GTF3C1: variants seen among roughly 807,000 people sequenced by gnomAD.
The protein encoded by GTF3C1 is general transcription factor IIIC subunit 1.
A neutral mutation model predicts 226.7 loss-of-function variants in GTF3C1; 57 were observed. The ratio of observed to expected loss-of-function variants is 0.25; its 90% CI spans 0.20 to 0.31. The LOEUF is 0.31. GTF3C1 is among the 10% of genes least tolerant of loss of function. The pLI is 1.00. For missense variants in GTF3C1, 2,217 were observed against 2,776.1 expected (o/e 0.80, Z 4.53); for synonymous variants, 1,090 against 1,084.8 (o/e 1.00, Z -0.09).
In GTF3C1 at chr16:27,469,452, G is replaced by A. The variant is rs757977238; in HGVS notation, c.4913C>T (p.Ala1638Val). Residue 1638 changes from alanine (A) to valine (V), a missense_variant, in exon 32 of 37, where the codon GCG becomes GTG. By Grantham distance (64) the Ala-to-Val change is moderately conservative. This residue lies in a region of GTF3C1 where 455 missense variants were observed against 441.9 expected (regional missense o/e 1.03). Coordinates refer to ENST00000356183, the MANE Select transcript of GTF3C1 (RefSeq NM_001520.4). The surrounding 1 kb of genome is among the most constrained non-coding windows in gnomAD (Gnocchi z 4.5). ...CAGGTAGTTGGTGTGGGAGGCTTGC[G>A]CAGGTTTCACCTCCATGCTCCGGCG... ...GKRRSMEVKP[A>V]QASHTNYLLM... 24 of 1,614,048 alleles carry A rather than the reference G, an allele frequency of 1.5e-5. No homozygotes were observed. Among genetic ancestry groups the A allele is most frequent in the African/African-American group, 5.3e-5 (4 of 74,920 alleles).
chr16:27,530,296 T>C (rs1191547976), intron 5 of GTF3C1, among the ~76,000 whole-genome samples: 1 of 152,178 alleles, frequency 6.6e-6, no homozygotes, highest in East Asian at 1.9e-4. Flanking sequence ...ATGGCATTTA[T>C]CGTTAATCTA....
At chr16:27,512,570 G>A (rs1435257806) in intron 6 of GTF3C1, among the ~76,000 whole-genome samples, 2 of 152,152 alleles carry the variant, frequency 1.3e-5, no homozygotes, top group Admixed American at 6.5e-5. Context: ...TGGAGGGGTG[G>A]CATACCTACC....
In GTF3C1 at chr16:27,494,461, GTCTT is replaced by G. The variant is rs560598352; in HGVS notation, c.2778+298_2778+301del. Among the ~76,000 whole-genome samples the G allele has an allele frequency of 1.0e-4, 15 of 150,600 alleles. No homozygotes were observed. In the South Asian group the frequency reaches 2.3e-3, roughly 23 times the overall value. ...CACGTTTTATTGTTGTAATATAATT[GTCTT>G]TCTGTCTACCTACCTACCAATAGAT... On this transcript the variant is annotated intron_variant, in intron 16 of 36. Transcript: ENST00000356183.
chr16:27,546,774 C>CT (rs573024825), intron 1 of GTF3C1, among the ~76,000 whole-genome samples: 31 of 151,540 alleles, frequency 2.0e-4, no homozygotes, highest in Non-Finnish European at 3.2e-4. Flanking sequence ...CCCTCCATTC[C>CT]TTTTTTTTAA....
At position 27,464,464 on chromosome 16, in the gene GTF3C1, G is replaced by A. The variant is rs780199093; in HGVS notation, c.5728C>T (p.Pro1910Ser). 9 of 1,585,324 alleles carry A rather than the reference G, an allele frequency of 5.7e-6. No individual in the cohort carries two copies. In the South Asian group the frequency reaches 5.8e-5, roughly 10 times the overall value. ...TCTTCAAGAGCTGGGGGTGGAGATG[G>A]GGCCTGGGCTTCTGCCCCATCTTCA... ...GAEDGAEAQA[P>S]SPPPALEDTA... The change falls in exon 34 of 37, where the codon CCA becomes TCA. Residue 1910 changes from proline to serine, a missense_variant. Transcript: ENST00000356183.
chr16:27,497,345 A>G (rs1327142012), intron 14 of GTF3C1, among the ~76,000 whole-genome samples: 1 of 152,258 alleles, frequency 6.6e-6, no homozygotes, highest in East Asian at 1.9e-4. Context: ...GCTCAAGGAC[A>G]TTCAGCAGAA....
intron 2 of GTF3C1, among the ~76,000 whole-genome samples, chr16:27,540,768 G>A (rs1422203543): frequency 6.6e-6 from 1 of 152,180 alleles, no homozygotes; most frequent in African/African-American, 2.4e-5. Flanking sequence ...TAGATGAGGA[G>A]CCCTAATTCA....
chr16:27,461,766 G>T lies in GTF3C1; in HGVS notation c.6118-204C>A. ...GGTGGGAGAGGCAGCTGCCTGAGCA[G>T]CACGTGTACAGCGCTGGCTGGAGCC... On this transcript the variant is annotated intron_variant, in intron 36 of 36. Transcript: ENST00000356183. This position sits in a 1 kb window ranked among gnomAD's most constrained non-coding sequence, Gnocchi z 5.3. The T allele has an allele frequency of 1.7e-6, 1 of 593,330 alleles. No homozygotes were observed. Among genetic ancestry groups the T allele is most frequent in the Admixed American group, 2.9e-5 (1 of 34,178 alleles). 36.8% of individuals were successfully genotyped at this position (593,330 alleles called of 1,614,324 possible).
chr16:27,476,415 A>C (rs1214859899), intron 29 of GTF3C1, 36 bp downstream of exon 29: 4 of 1,339,800 alleles, frequency 3.0e-6, no homozygotes, highest in Non-Finnish European at 4.3e-6. Flanking sequence ...GGAAGGGCCC[A>C]CATCCCCGCT....
At chr16:27,468,808 T>C (rs968241902) in intron 32 of GTF3C1, among the ~76,000 whole-genome samples, 3 of 152,058 alleles carry the variant, frequency 2.0e-5, no homozygotes, top group Non-Finnish European at 1.5e-5. Context: ...GTGTCAAAAT[T>C]GGAAGTAAAG....
rs933746829 is a variant in GTF3C1 at position 27,537,766 on chromosome 16, G to A, written c.752+18C>T. Reference sequence around the variant, plus strand: ...CTGCAACTAAAAAACCTAATGTTTTGGTCACTACAAACCATACCTGTCCAC... The same window carrying A: ...CTGCAACTAAAAAACCTAATGTTTTAGTCACTACAAACCATACCTGTCCAC... On this transcript the variant is annotated intron_variant, in intron 4 of 36. Coordinates refer to ENST00000356183, the MANE Select transcript of GTF3C1 (RefSeq NM_001520.4). The A allele has an allele frequency of 2.5e-6, 4 of 1,578,332 alleles. No individual in the cohort carries two copies. The highest frequency in any genetic ancestry group is 3.6e-5 in the Admixed American group (2 of 54,928).
rs376051667 is a variant in GTF3C1, at chr16:27,471,884, G to A, written c.4390C>T (p.Leu1464Phe). 79 of 1,614,018 alleles carry A rather than the reference G, an allele frequency of 4.9e-5. No individual in the cohort carries two copies. The highest frequency in any genetic ancestry group is 1.8e-4 in the Admixed American group (11 of 59,992). ...RLYREYKDHV[L>F]VKAFMECQKR... is the part of the protein sequence containing the mutation. ...TGGCACTCCATGAAGGCCTTCACAA[G>A]AACGTGGTCCTTGTACTCCCGATAG... The change falls in exon 30 of 37, where the codon CTT becomes TTT. Residue 1464 changes from leucine to phenylalanine, a missense_variant. Leu to Phe is a conservative substitution (Grantham distance 22). Transcript: ENST00000356183. This position sits in a 1 kb window ranked among gnomAD's most constrained non-coding sequence, Gnocchi z 5.0.
At chr16:27,493,941 T>A (rs1424677730) in intron 16 of GTF3C1, among the ~76,000 whole-genome samples, 1 of 150,848 alleles carries the variant, frequency 6.6e-6, no homozygotes, top group African/African-American at 2.4e-5. Context: ...CTTTTTTTTT[T>A]AAAGGGAGAT....
At chr16:27,520,992 T>C (rs1286196961) in intron 6 of GTF3C1, among the ~76,000 whole-genome samples, 1 of 152,222 alleles carries the variant, frequency 6.6e-6, no homozygotes, top group African/African-American at 2.4e-5. Flanking sequence ...GTGTTGGGAT[T>C]AGAGGCCTAA....
intron 6 of GTF3C1, among the ~76,000 whole-genome samples, chr16:27,526,960 C>T (rs1426986510): frequency 6.6e-6 from 1 of 152,228 alleles, no homozygotes; most frequent in African/African-American, 2.4e-5. Context: ...AATCCCAGCA[C>T]TTTGGGAGGC....
intron 25 of GTF3C1, 80 bp from the exon 26 acceptor site, chr16:27,483,205 C>G: frequency 7.1e-7 from 1 of 1,400,424 alleles, no homozygotes; most frequent in African/African-American, 1.4e-5. Context: ...GCTCCATTCT[C>G]ATGTTTCTGG....
chr16:27,521,560 G>A (rs2088750621), intron 6 of GTF3C1, among the ~76,000 whole-genome samples: 5 of 152,254 alleles, frequency 3.3e-5, no homozygotes. Context: ...CCTGGCAAAG[G>A]GCGCTCCCCA....
chr16:27,462,004 C>T lies in GTF3C1; in HGVS notation c.6117+290G>A. ...AAGCAGCTGCACCAGGGGGCAGCTG[C>T]TTGACCCGTGGGGCCCGGCGGACTC... On this transcript the variant is annotated intron_variant, in intron 36 of 36. Transcript: ENST00000356183. The surrounding 1 kb of genome is among the most constrained non-coding windows in gnomAD (Gnocchi z 4.5). The T allele has an allele frequency of 2.3e-6, 1 of 436,816 alleles. No homozygotes were observed. The highest frequency in any genetic ancestry group is 4.1e-5 in the South Asian group (1 of 24,132). 27.1% of individuals were successfully genotyped at this position (436,816 alleles called of 1,614,324 possible).
chr16:27,460,675 T>A lies in GTF3C1; in HGVS notation c.*675A>T, dbSNP rs1218438729. The A allele has an allele frequency of 1.3e-5, 2 of 152,008 alleles. No homozygotes were observed. The highest frequency in any genetic ancestry group is 6.5e-5 in the Admixed American group (1 of 15,278). 9.4% of individuals were successfully genotyped at this position (152,008 alleles called of 1,614,324 possible). On this transcript the variant is annotated 3_prime_UTR_variant, in exon 37 of 37. Transcript: ENST00000356183. ...ACACTCCACAGGGACTTTTTTTTTT[T>A]AATGAGGAAAAAAGGTGAAAGAACA...
Sources: gnomAD v4.1 joint callset for allele counts (sites outside exome capture counted in the v4.1 genomes callset) on GRCh38, gnomAD v4.1.1 for gene constraint, gnomAD v4.1.1 regional missense constraint, Gnocchi (gnomAD v3.1) non-coding constraint, MANE v1.5 for transcripts, NCBI Gene and HGNC (gene_info 2026-07-23, HGNC 2026-07-21) for gene names.